Variants in PLCL1 observed in about 807,000 individuals in gnomAD.
PLCL1 encodes inactive phospholipase C-like protein 1.
A neutral mutation model predicts 84.4 loss-of-function variants in PLCL1; 41 were observed. The observed-to-expected ratio is 0.49, with a 90% CI of 0.38 to 0.63. PLCL1 has a LOEUF of 0.63. Among genes scored for constraint, PLCL1 ranks in the 30% least tolerant of loss-of-function variants. The probability of loss-of-function intolerance (pLI) is 0.00; values close to 1 mark genes in which losing one functional copy is unlikely to be tolerated. For synonymous variants in PLCL1, 490 were observed against 488.3 expected (o/e 1.00, Z -0.05); for missense variants, 1,206 against 1,367.8 (o/e 0.88, Z 1.87).
At chr2:198,002,734 G>C (rs1690632167) in intron 1 of PLCL1, among the ~76,000 whole-genome samples, 1 of 152,178 alleles carries the variant, frequency 6.6e-6, no homozygotes, top group African/African-American at 2.4e-5. Context: ...GTGGGATCTT[G>C]AGTGTTCTGC....
chr2:198,025,282 T>C (rs1394628130), intron 1 of PLCL1, among the ~76,000 whole-genome samples: 1 of 152,110 alleles, frequency 6.6e-6, no homozygotes, highest in Non-Finnish European at 1.5e-5. Context: ...CCCACACACA[T>C]GCATATATAA....
chr2:197,812,876 A>G (rs148159218), intron 1 of PLCL1, among the ~76,000 whole-genome samples: 2,765 of 152,322 alleles, frequency 0.018, 49 homozygotes, highest in Admixed American at 0.025. Context: ...GTAGAACCCT[A>G]GAAAGCTAGA....
intron 1 of PLCL1, among the ~76,000 whole-genome samples, chr2:197,821,384 G>A (rs1690812214): frequency 2.6e-5 from 4 of 152,088 alleles, no homozygotes; most frequent in South Asian, 4.1e-4. Context: ...AGGCTATGTC[G>A]CTCTGACAAA....
chr2:198,037,664 A>G (rs1325299306), intron 1 of PLCL1, among the ~76,000 whole-genome samples: 1 of 152,198 alleles, frequency 6.6e-6, no homozygotes, highest in Non-Finnish European at 1.5e-5. Context: ...TGTGCTTACA[A>G]AGAGTCAATT....
chr2:197,852,037 G>A (rs1687249595), intron 1 of PLCL1, among the ~76,000 whole-genome samples: 1 of 152,218 alleles, frequency 6.6e-6, no homozygotes, highest in Non-Finnish European at 1.5e-5. Context: ...ATTTGATTTT[G>A]CTATGTATTT....
chr2:197,812,002 T>C (rs144297369), intron 1 of PLCL1, among the ~76,000 whole-genome samples: 2 of 152,210 alleles, frequency 1.3e-5, no homozygotes, highest in Admixed American at 1.3e-4. Flanking sequence ...TATTTATTGT[T>C]CCTCTCTTTG....
intron 1 of PLCL1, among the ~76,000 whole-genome samples, chr2:197,908,942 A>G (rs1213523346): frequency 6.6e-6 from 1 of 152,214 alleles, no homozygotes; most frequent in African/African-American, 2.4e-5. Flanking sequence ...TTTTGTTTCA[A>G]GATTGATGAT....
At chr2:197,973,287 G>A (rs1300177664) in intron 1 of PLCL1, among the ~76,000 whole-genome samples, 1 of 152,156 alleles carries the variant, frequency 6.6e-6, no homozygotes, top group African/African-American at 2.4e-5. Flanking sequence ...GGGAGCTGGT[G>A]GAAACCAATT....
chr2:197,949,344 G>A (rs1282003853), intron 1 of PLCL1, among the ~76,000 whole-genome samples: 2 of 152,144 alleles, frequency 1.3e-5, no homozygotes, highest in African/African-American at 4.8e-5. Flanking sequence ...CCCTAGTCCA[G>A]GATGCTGTAT....
At position 197,811,269 on chromosome 2, in the gene PLCL1, A is replaced by C. The variant is rs574712714; in HGVS notation, c.240+5930A>C. ...AACATTCGGTCTTACATATTGGCAA[A>C]TGTATTGTGTATTTCAGCTAACTTT... On this transcript the variant is annotated intron_variant, in intron 1 of 5. Coordinates refer to ENST00000428675, the MANE Select transcript of PLCL1 (RefSeq NM_006226.4). 1.4e-4 allele frequency among the ~76,000 whole-genome samples: 21 copies of C among 152,366 alleles called. No homozygotes were observed. The East Asian group carries it at 2.9e-3, about 21-fold the overall frequency.
chr2:197,941,945 CAG>C (rs1232428913), intron 1 of PLCL1, among the ~76,000 whole-genome samples: 3 of 152,124 alleles, frequency 2.0e-5, no homozygotes, highest in East Asian at 3.8e-4. Context: ...CCTACTGAAT[CAG>C]AGTTTCTGGG....
chr2:197,945,822 TG>T (rs1169667957), intron 1 of PLCL1, among the ~76,000 whole-genome samples: 8 of 152,230 alleles, frequency 5.3e-5, no homozygotes, highest in Non-Finnish European at 8.8e-5. Flanking sequence ...ATAGAACAAG[TG>T]ATGACCAAAT....
chr2:198,017,918 C>G (rs1691035940), intron 1 of PLCL1, among the ~76,000 whole-genome samples: 1 of 152,150 alleles, frequency 6.6e-6, no homozygotes, highest in Non-Finnish European at 1.5e-5. Flanking sequence ...CCACTTAAGA[C>G]TTACAATTAT....
chr2:197,820,633 G>T (rs920624630), intron 1 of PLCL1, among the ~76,000 whole-genome samples: 1 of 152,042 alleles, frequency 6.6e-6, no homozygotes, highest in African/African-American at 2.4e-5. Flanking sequence ...AGAATGTGGT[G>T]GGCTTAGTGG....
intron 1 of PLCL1, among the ~76,000 whole-genome samples, chr2:198,054,632 G>C (rs59942433): frequency 0.045 from 6,901 of 152,262 alleles, 510 homozygotes; most frequent in African/African-American, 0.16. Flanking sequence ...TGAGCAGGCT[G>C]TTCCTTTTGT....
At position 197,941,288 on chromosome 2, in the gene PLCL1, G is replaced by A. The variant is rs376911254; in HGVS notation, c.240+135949G>A. On this transcript the variant is annotated intron_variant, in intron 1 of 5. Coordinates refer to ENST00000428675, the MANE Select transcript of PLCL1 (RefSeq NM_006226.4). ...AGGTAATGATTTTATCAATGAAGGG[G>A]AATACTATTTTTTTTTTTTTTGAGA... 3.2e-3 allele frequency among the ~76,000 whole-genome samples: 480 copies of A among 151,546 alleles called. 6 individuals carry two copies. The highest frequency in any genetic ancestry group is 0.011 in the African/African-American group (463 of 40,996).
chr2:197,977,108 G>A (rs941769108), intron 1 of PLCL1, among the ~76,000 whole-genome samples: 1 of 151,966 alleles, frequency 6.6e-6, no homozygotes, highest in Non-Finnish European at 1.5e-5. Flanking sequence ...ATTTCTCTCC[G>A]CCTCCTCTTG....
At chr2:197,903,618 G>A (rs1489870415) in intron 1 of PLCL1, among the ~76,000 whole-genome samples, 1 of 145,924 alleles carries the variant, frequency 6.9e-6, no homozygotes, top group Non-Finnish European at 1.5e-5. Flanking sequence ...TGAGTAGCCG[G>A]GACTACAGGT....
intron 1 of PLCL1, among the ~76,000 whole-genome samples, chr2:197,842,734 T>G (rs578112024): frequency 6.6e-6 from 1 of 152,192 alleles, no homozygotes; most frequent in South Asian, 2.1e-4. Flanking sequence ...ACAAGGCTAT[T>G]ACCAGCACCT....
Sources: gnomAD v4.1 joint callset for allele counts (sites outside exome capture counted in the v4.1 genomes callset) on GRCh38, gnomAD v4.1.1 for gene constraint, MANE v1.5 for transcripts, NCBI Gene and HGNC (gene_info 2026-07-23, HGNC 2026-07-21) for gene names.